HELZ: variants seen among roughly 807,000 people sequenced by gnomAD.
HELZ encodes the protein helicase with zinc finger, also known as ATP-dependent RNA helicase with zinc finger domain.
HELZ carries 23 observed loss-of-function variants against 218.2 expected under a neutral mutation model. That is an observed-to-expected ratio of 0.11 (90% confidence interval 0.08 to 0.15). HELZ has a LOEUF of 0.15. Among genes scored for constraint, HELZ ranks in the 10% least tolerant of loss-of-function variants. HELZ has a pLI of 1.00. For synonymous variants in HELZ, 814 were observed against 829.4 expected (o/e 0.98, Z 0.32); for missense variants, 1,813 against 2,353.7 (o/e 0.77, Z 4.75).
intron 7 of HELZ, among the ~76,000 whole-genome samples, chr17:67,195,890 T>C (rs777256490): frequency 4.5e-4 from 68 of 149,484 alleles, no homozygotes; most frequent in Non-Finnish European, 8.2e-4. Context: ...CTTGCTCTTT[T>C]GCCCAGGCTG....
rs181062967 is a variant in HELZ at position 67,158,935 on chromosome 17, C to T, written c.2177+1326G>A. ...GTCAAATGACCTATGCTAAGTCGAC[C>T]GAGATTTGAGGGGGCTTTACTCCAC... On this transcript the variant is annotated intron_variant, in intron 17 of 32. Transcript: ENST00000358691. Among the ~76,000 whole-genome samples the T allele has an allele frequency of 5.9e-5, 9 of 152,180 alleles. No individual in the cohort carries two copies. The East Asian group carries it at 1.5e-3, about 26-fold the overall frequency.
chr17:67,190,685 T>C lies in HELZ; in HGVS notation c.558-330A>G, dbSNP rs115316661. 2.4e-3 allele frequency among the ~76,000 whole-genome samples: 372 copies of C among 152,278 alleles called. 1 individual carries two copies. Among genetic ancestry groups the C allele is most frequent in the African/African-American group, 8.6e-3 (358 of 41,576 alleles). ...AGGACTCTTACTAGACAATTCCTCT[T>C]AGTGTAACTGGGTTTTGTTTTTGAT... On this transcript the variant is annotated intron_variant, in intron 9 of 32. Coordinates refer to ENST00000358691, the MANE Select transcript of HELZ (RefSeq NM_014877.4).
At chr17:67,122,054 T>G (rs2037626015) in intron 26 of HELZ, among the ~76,000 whole-genome samples, 1 of 152,204 alleles carries the variant, frequency 6.6e-6, no homozygotes, top group Non-Finnish European at 1.5e-5. Flanking sequence ...GATTTACAAA[T>G]TAAATTTTAA....
intron 31 of HELZ, among the ~76,000 whole-genome samples, chr17:67,095,777 CACA>C (rs1318800437): frequency 2.6e-5 from 4 of 152,328 alleles, no homozygotes; most frequent in Admixed American, 2.0e-4. Flanking sequence ...TCCCAACAAT[CACA>C]ACAAGAAAGC....
At chr17:67,161,955 A>G (rs969041488) in intron 15 of HELZ, among the ~76,000 whole-genome samples, 1 of 152,236 alleles carries the variant, frequency 6.6e-6, no homozygotes, top group Non-Finnish European at 1.5e-5. Context: ...TCAAAATAGT[A>G]AGGGTGTGTA....
At chr17:67,229,127 A>G (rs1056851758) in intron 3 of HELZ, among the ~76,000 whole-genome samples, 1 of 152,202 alleles carries the variant, frequency 6.6e-6, no homozygotes, top group Non-Finnish European at 1.5e-5. Flanking sequence ...AAAGTGTATC[A>G]TGCTTCCTGA....
chr17:67,184,048 C>T (rs1020651303), intron 12 of HELZ, among the ~76,000 whole-genome samples: 3 of 151,784 alleles, frequency 2.0e-5, no homozygotes, highest in African/African-American at 7.2e-5. Flanking sequence ...TTATTTTCCT[C>T]CAATTCAAAT....
At chr17:67,242,406 C>CT (rs2041337713) in intron 2 of HELZ, among the ~76,000 whole-genome samples, 1 of 121,602 alleles carries the variant, frequency 8.2e-6, no homozygotes, top group Non-Finnish European at 1.6e-5. Flanking sequence ...GAGTGAAACT[C>CT]TGTCTCAAAA....
chr17:67,082,499 T>C (rs2036225460), intron 32 of HELZ, among the ~76,000 whole-genome samples: 1 of 152,240 alleles, frequency 6.6e-6, no homozygotes, highest in Non-Finnish European at 1.5e-5. Context: ...GTGAAAATAT[T>C]TCACGTTTTA....
chr17:67,162,743 T>TC (rs2039027017), intron 15 of HELZ, among the ~76,000 whole-genome samples: 1 of 152,040 alleles, frequency 6.6e-6, no homozygotes, highest in African/African-American at 2.4e-5. Context: ...AATTTTTTTT[T>TC]TTTTTTTAAC....
At chr17:67,125,163 G>A (rs181995495) in intron 24 of HELZ, among the ~76,000 whole-genome samples, 64 of 150,478 alleles carry the variant, frequency 4.3e-4, no homozygotes, top group African/African-American at 1.5e-3. Flanking sequence ...TTATGAGTGA[G>A]GAAGGGCAGC....
intron 31 of HELZ, among the ~76,000 whole-genome samples, chr17:67,089,341 C>G (rs552372770): frequency 2.0e-5 from 3 of 151,752 alleles, no homozygotes; most frequent in South Asian, 4.2e-4. Context: ...AGGAAGAAAA[C>G]GAAAACTCAG....
In HELZ at chr17:67,188,303, A is replaced by T. The variant is rs750306433; in HGVS notation, c.1162+16T>A. 5 of 1,591,556 alleles carry T rather than the reference A, an allele frequency of 3.1e-6. No homozygotes were observed. Among genetic ancestry groups the T allele is most frequent in the Admixed American group, 1.7e-5 (1 of 58,470 alleles). On this transcript the variant is annotated intron_variant, in intron 12 of 32. Transcript: ENST00000358691. This position sits in a 1 kb window ranked among gnomAD's most constrained non-coding sequence, Gnocchi z 4.1. ...TTTTAACACATTGTATCGGGGGAAA[A>T]AAGTCTAAATATTACCTTCTGTAGA...
At chr17:67,156,252 C>A (rs918031795) in intron 17 of HELZ, among the ~76,000 whole-genome samples, 1 of 151,866 alleles carries the variant, frequency 6.6e-6, no homozygotes, top group Non-Finnish European at 1.5e-5. Context: ...TTATTTGAGT[C>A]ATTATGAGAA....
At chr17:67,141,960 C>G (rs2038340161) in intron 21 of HELZ, among the ~76,000 whole-genome samples, 1 of 151,986 alleles carries the variant, frequency 6.6e-6, no homozygotes, top group Non-Finnish European at 1.5e-5. Flanking sequence ...ATGATAATCA[C>G]TTGAACCTGG....
At chr17:67,123,815 C>CTGTGGG in intron 25 of HELZ, 148 bp downstream of exon 25, 13 of 534,088 alleles carry the variant, frequency 2.4e-5, no homozygotes, top group Non-Finnish European at 2.7e-5. Flanking sequence ...TCCAAAGTGA[C>CTGTGGG]TGTGTGTGTG....
At chr17:67,171,697 T>A (rs1270476549) in intron 13 of HELZ, among the ~76,000 whole-genome samples, 1 of 152,138 alleles carries the variant, frequency 6.6e-6, no homozygotes, top group African/African-American at 2.4e-5. Context: ...TCTCTCTCAT[T>A]TACCCTGTCC....
intron 5 of HELZ, among the ~76,000 whole-genome samples, chr17:67,214,925 C>G (rs1372884861): frequency 6.6e-6 from 1 of 152,192 alleles, no homozygotes; most frequent in African/African-American, 2.4e-5. Context: ...GCAGGTGGAT[C>G]CCTTGAGCCC....
Position 67,074,725 on chromosome 17 carries a change from G to A in HELZ, c.*3527C>T, listed in dbSNP as rs1390475050. ...AGAGTATTTTCATAAATTGGTCTTAGATGTTGCTATGTTTAATTAGGTAAT... is the reference window on the plus strand; with the variant it reads ...AGAGTATTTTCATAAATTGGTCTTAAATGTTGCTATGTTTAATTAGGTAAT... On this transcript the variant is annotated 3_prime_UTR_variant, in exon 33 of 33. Transcript: ENST00000358691. The A allele has an allele frequency of 6.6e-6, 1 of 152,070 alleles. No homozygotes were observed. The highest frequency in any genetic ancestry group is 1.5e-5 in the Non-Finnish European group (1 of 67,966). 9.4% of individuals were successfully genotyped at this position (152,070 alleles called of 1,614,324 possible).
Sources: gnomAD v4.1 joint callset for allele counts (sites outside exome capture counted in the v4.1 genomes callset) on GRCh38, gnomAD v4.1.1 for gene constraint, Gnocchi (gnomAD v3.1) non-coding constraint, MANE v1.5 for transcripts, NCBI Gene and HGNC (gene_info 2026-07-23, HGNC 2026-07-21) for gene names.